The following PTPN13 variants were observed in gnomAD, a reference collection of about 807,000 sequenced individuals.
PTPN13 encodes the protein tyrosine-protein phosphatase non-receptor type 13.
PTPN13 carries 191 observed loss-of-function variants against 284.0 expected under a neutral mutation model. The ratio of observed to expected loss-of-function variants is 0.67; its 90% CI spans 0.60 to 0.76. The LOEUF is 0.76. PTPN13 is among the 30% of genes least tolerant of loss of function. PTPN13 has a pLI of 0.00. For synonymous variants in PTPN13, 986 were observed against 1,022.3 expected (o/e 0.96, Z 0.68); for missense variants, 2,797 against 2,939.9 (o/e 0.95, Z 1.12).
intron 41 of PTPN13, among the ~76,000 whole-genome samples, chr4:86,798,560 G>T (rs1743628081): frequency 6.6e-6 from 1 of 150,688 alleles, no homozygotes; most frequent in Admixed American, 6.6e-5. Flanking sequence ...CTCTTTCCTA[G>T]CCATCCACCT....
At chr4:86,639,724 A>C (rs892937345) in intron 2 of PTPN13, among the ~76,000 whole-genome samples, 2 of 152,124 alleles carry the variant, frequency 1.3e-5, no homozygotes, top group Non-Finnish European at 2.9e-5. Context: ...GATATACCTA[A>C]TGCTAAATGA....
intron 40 of PTPN13, among the ~76,000 whole-genome samples, chr4:86,794,338 G>A (rs373611248): frequency 9.9e-5 from 15 of 152,052 alleles, no homozygotes; most frequent in East Asian, 3.9e-4. Context: ...TCCAACTTAC[G>A]AGGGATGTGA....
At chr4:86,763,628 C>A (rs150316497) in intron 24 of PTPN13, among the ~76,000 whole-genome samples, 1 of 152,306 alleles carries the variant, frequency 6.6e-6, no homozygotes, top group African/African-American at 2.4e-5. Flanking sequence ...CTCATTCTGG[C>A]TGGGCACAGT....
chr4:86,621,905 A>C (rs1721298025), intron 1 of PTPN13, among the ~76,000 whole-genome samples: 1 of 152,230 alleles, frequency 6.6e-6, no homozygotes, highest in African/African-American at 2.4e-5. Context: ...AATAAAAGTC[A>C]GTAGCAATAA....
At chr4:86,674,892 T>C (rs1188167734) in intron 3 of PTPN13, among the ~76,000 whole-genome samples, 3 of 152,204 alleles carry the variant, frequency 2.0e-5, no homozygotes, top group Non-Finnish European at 4.4e-5. Context: ...CATTGTACGA[T>C]TCATTTAATA....
intron 40 of PTPN13, among the ~76,000 whole-genome samples, chr4:86,787,930 G>T (rs1230117903): frequency 1.3e-5 from 2 of 152,108 alleles, no homozygotes; most frequent in Non-Finnish European, 2.9e-5. Context: ...AAATTATTAG[G>T]AACTATATAA....
At chr4:86,796,789 T>C (rs1462360692) in intron 40 of PTPN13, 85 bp from the exon 41 acceptor site, 5 of 828,678 alleles carry the variant, frequency 6.0e-6, no homozygotes, top group Non-Finnish European at 9.7e-6. Flanking sequence ...ACAGTAAATA[T>C]AGGAAATAAC....
At chr4:86,812,082 G>A (rs904737963) in intron 47 of PTPN13, among the ~76,000 whole-genome samples, 1 of 151,876 alleles carries the variant, frequency 6.6e-6, no homozygotes, top group Non-Finnish European at 1.5e-5. Flanking sequence ...AGGCCGAGGC[G>A]GGCGGATCAC....
intron 9 of PTPN13, among the ~76,000 whole-genome samples, chr4:86,721,572 G>GT (rs1248176789): frequency 1.3e-5 from 2 of 152,066 alleles, no homozygotes; most frequent in African/African-American, 4.8e-5. Context: ...AGTATGATCA[G>GT]TTTCATTACT....
intron 1 of PTPN13, among the ~76,000 whole-genome samples, chr4:86,614,370 A>G (rs1720299795): frequency 1.3e-5 from 2 of 152,176 alleles, no homozygotes; most frequent in African/African-American, 4.8e-5. Context: ...TTTTGTCAAC[A>G]CTATTGTATG....
Position 86,735,595 on chromosome 4 carries a change from T to G in PTPN13, c.2153T>G (p.Val718Gly). 1 of 1,610,902 alleles carries G rather than the reference T, an allele frequency of 6.2e-7. No individual in the cohort carries two copies. Among genetic ancestry groups the G allele is most frequent in the Non-Finnish European group, 8.5e-7 (1 of 1,179,158 alleles). Residue 718 changes from valine (V) to glycine (G), a missense_variant and splice_region_variant, in exon 15 of 48, where the codon GTT becomes GGT. Coordinates refer to ENST00000411767, the MANE Select transcript of PTPN13 (RefSeq NM_080683.3). ...QAEYGDYQPE[V>G]HGVSYFRMEH... Reference sequence around the variant, plus strand: ...TTATGAAAACATTCTTTTATCTAGGTTCATGGTGTGTCTTACTTTAGAATG... The same window carrying G: ...TTATGAAAACATTCTTTTATCTAGGGTCATGGTGTGTCTTACTTTAGAATG...
intron 7 of PTPN13, among the ~76,000 whole-genome samples, chr4:86,714,123 G>T (rs914096974): frequency 3.3e-5 from 5 of 150,138 alleles, no homozygotes; most frequent in Non-Finnish European, 7.4e-5. Flanking sequence ...TAAAATTTAG[G>T]TATTCTAGCC....
chr4:86,745,448 G>C (rs946703534), intron 17 of PTPN13, among the ~76,000 whole-genome samples: 1 of 152,144 alleles, frequency 6.6e-6, no homozygotes, highest in African/African-American at 2.4e-5. Context: ...GGAAGGGTAA[G>C]ACCAACATGC....
At chr4:86,607,964 T>C (rs568537198) in intron 1 of PTPN13, among the ~76,000 whole-genome samples, 63 of 152,100 alleles carry the variant, frequency 4.1e-4, no homozygotes, top group African/African-American at 1.4e-3. Flanking sequence ...TGTAGTAATA[T>C]AAAATTGGAA....
intron 2 of PTPN13, among the ~76,000 whole-genome samples, chr4:86,666,603 A>G (rs976624137): frequency 4.6e-5 from 7 of 152,242 alleles, no homozygotes; most frequent in African/African-American, 1.7e-4. Context: ...CAGGGTTACA[A>G]AAACATTTTC....
intron 3 of PTPN13, among the ~76,000 whole-genome samples, chr4:86,685,632 G>A (rs746592798): frequency 3.9e-5 from 6 of 152,112 alleles, no homozygotes; most frequent in East Asian, 3.8e-4. Flanking sequence ...AAACAAAAAC[G>A]GCAGTGATGC....
intron 2 of PTPN13, among the ~76,000 whole-genome samples, chr4:86,656,573 C>G (rs1013858779): frequency 1.3e-5 from 2 of 152,136 alleles, no homozygotes; most frequent in Non-Finnish European, 1.5e-5. Context: ...GCTGCCTGAT[C>G]GTTCCTCTGG....
chr4:86,666,387 G>GCTCTCTCTTCTCTCTCTTCTCTCTCTT (rs549822813), intron 2 of PTPN13, among the ~76,000 whole-genome samples: 1 of 152,048 alleles, frequency 6.6e-6, no homozygotes, highest in African/African-American at 2.4e-5. Flanking sequence ...AGAAAGAACA[G>GCTCTCTCTTCTCTCTCTTCTCTCTCTT]CTCTCTCTTC....
chr4:86,665,533 C>T (rs946863446), intron 2 of PTPN13, among the ~76,000 whole-genome samples: 15 of 152,056 alleles, frequency 9.9e-5, no homozygotes, highest in African/African-American at 3.4e-4. Context: ...TTGGTTTGAT[C>T]GTCAAATCTT....
Sources: allele counts gnomAD v4.1 joint callset (sites outside exome capture counted in the v4.1 genomes callset), GRCh38; gene constraint gnomAD v4.1.1; transcripts MANE v1.5; gene names NCBI Gene and HGNC (gene_info 2026-07-23, HGNC 2026-07-21).